Variants in NEBL observed in about 807,000 individuals in gnomAD.
NEBL encodes nebulette.
In NEBL, 122 loss-of-function variants were observed where a neutral mutation model predicts 140.2. The ratio of observed to expected loss-of-function variants is 0.87; its 90% CI spans 0.75 to 1.01. The LOEUF (loss-of-function observed/expected upper bound fraction) is 1.01, where lower values mean the gene tolerates loss of function less well. Among genes scored for constraint, NEBL ranks in the 50% least tolerant of loss-of-function variants. The pLI, the probability that NEBL is intolerant of heterozygous loss-of-function variation, is 0.00. For missense variants in NEBL, 1,365 were observed against 1,231.3 expected (o/e 1.11, Z -1.62); for synonymous variants, 436 against 398.9 (o/e 1.09, Z -1.11).
chr10:21,238,289 A>G lies in NEBL; in HGVS notation n.348+9632T>C, dbSNP rs183728026. Among the ~76,000 whole-genome samples, 20 of 152,342 alleles carry G rather than the reference A, an allele frequency of 1.3e-4. No individual in the cohort carries two copies. The East Asian group carries it at 3.9e-3, about 29-fold the overall frequency. On this transcript the variant is annotated intron_variant and non_coding_transcript_variant, in intron 3 of 8. Transcript: ENST00000675702. ...AGGGTAATTTTATAGATTGACAATT[A>G]TCATGTAACAATGTCCAGGTGAATG... is the stretch of plus-strand genomic sequence containing the variant.
intron 5 of NEBL, among the ~76,000 whole-genome samples, chr10:20,870,893 A>T (rs1359235713): frequency 6.6e-6 from 1 of 152,204 alleles, no homozygotes; most frequent in African/African-American, 2.4e-5. Context: ...TTGACTGACA[A>T]TTGGAAAGAG....
rs1302883002 is a variant in NEBL, at chr10:20,780,671, A to C, written c.*5076T>G. On this transcript the variant is annotated 3_prime_UTR_variant, in exon 28 of 28. Transcript: ENST00000377122. ...ATCCTGCATTTATTTAAGCAAACCA[A>C]ATGTGTAGAGATAGGAAATTAATGT... The C allele has an allele frequency of 6.6e-6, 1 of 152,164 alleles. No homozygotes were observed. The highest frequency in any genetic ancestry group is 2.4e-5 in the African/African-American group (1 of 41,426). The allele number at this position is 152,164 out of a possible 1,614,324, so 9.4% of individuals were successfully genotyped here.
At chr10:20,997,505 A>C (rs1295260862) in intron 3 of NEBL, among the ~76,000 whole-genome samples, 5 of 137,004 alleles carry the variant, frequency 3.6e-5, no homozygotes, top group South Asian at 2.2e-4. Context: ...AAAAAAAAAA[A>C]AAAAAAAAAC....
At chr10:20,889,212 C>T (rs1846804030) in intron 3 of NEBL, among the ~76,000 whole-genome samples, 1 of 152,132 alleles carries the variant, frequency 6.6e-6, no homozygotes, top group Non-Finnish European at 1.5e-5. Context: ...TACAGTAATG[C>T]CTCACCACAG....
intron 7 of NEBL, among the ~76,000 whole-genome samples, chr10:20,867,460 C>G (rs1205345568): frequency 6.6e-6 from 1 of 152,082 alleles, no homozygotes; most frequent in Non-Finnish European, 1.5e-5. Context: ...ATGTGTAAAA[C>G]TTACTGTTTG....
At chr10:20,867,577 T>G (rs940549119) in intron 7 of NEBL, among the ~76,000 whole-genome samples, 1 of 152,178 alleles carries the variant, frequency 6.6e-6, no homozygotes, top group Non-Finnish European at 1.5e-5. Flanking sequence ...TTTCTGGTCT[T>G]GCTTAAGAAC....
chr10:20,874,880 C>A (rs961556119), intron 5 of NEBL, among the ~76,000 whole-genome samples: 1 of 152,128 alleles, frequency 6.6e-6, no homozygotes, highest in African/African-American at 2.4e-5. Context: ...GCTGGGATTA[C>A]AGGTGAACAC....
At chr10:20,961,144 T>C (rs1260971081) in intron 4 of NEBL, among the ~76,000 whole-genome samples, 1 of 152,196 alleles carries the variant, frequency 6.6e-6, no homozygotes, top group Non-Finnish European at 1.5e-5. Context: ...GAACTTCTCC[T>C]AGTCTCCATT....
chr10:20,835,488 G>A (rs768034939), intron 14 of NEBL, 25 bp downstream of exon 14: 2 of 1,512,094 alleles, frequency 1.3e-6, no homozygotes, highest in Non-Finnish European at 1.8e-6. Context: ...TGAGTCTTAA[G>A]GCCTGCATCA....
At chr10:20,839,677 C>T (rs569449047) in intron 13 of NEBL, among the ~76,000 whole-genome samples, 2 of 152,168 alleles carry the variant, frequency 1.3e-5, no homozygotes, top group East Asian at 1.9e-4. Context: ...GTTAAACTAC[C>T]TCAACAAATG....
At chr10:20,793,249 T>C (rs1176796102) in intron 26 of NEBL, 1 of 700,986 alleles carries the variant, frequency 1.4e-6, no homozygotes, top group Non-Finnish European at 1.8e-6. Flanking sequence ...AACCACCAAG[T>C]TTTAAAGACA....
At chr10:21,137,249 TTTTCA>T (rs1839394965) in intron 2 of NEBL, among the ~76,000 whole-genome samples, 2 of 152,226 alleles carry the variant, frequency 1.3e-5, no homozygotes, top group African/African-American at 2.4e-5. Context: ...GAAATATATT[TTTTCA>T]AAGTATCTGG....
At chr10:21,259,941 A>T (rs184778217) in intron 1 of NEBL, among the ~76,000 whole-genome samples, 2 of 152,190 alleles carry the variant, frequency 1.3e-5, no homozygotes, top group African/African-American at 4.8e-5. Context: ...CCACTTTGCA[A>T]CCAAGAGAGA....
intron 19 of NEBL, among the ~76,000 whole-genome samples, chr10:20,821,687 G>T (rs1399202226): frequency 1.3e-5 from 2 of 152,130 alleles, no homozygotes; most frequent in Non-Finnish European, 2.9e-5. Flanking sequence ...CATTAAGATT[G>T]TCAGTAAGCC....
chr10:21,215,319 A>C (rs1841975370), intron 3 of NEBL, among the ~76,000 whole-genome samples: 1 of 152,126 alleles, frequency 6.6e-6, no homozygotes, highest in African/African-American at 2.4e-5. Flanking sequence ...TTTTAAAAAG[A>C]GTTTTTAAAA....
At chr10:20,871,278 C>T (rs1844906771) in intron 5 of NEBL, among the ~76,000 whole-genome samples, 1 of 152,126 alleles carries the variant, frequency 6.6e-6, no homozygotes, top group Admixed American at 6.5e-5. Flanking sequence ...TTCCTGAGGT[C>T]CAGCCACAAT....
chr10:21,015,315 G>T (rs940495147), intron 3 of NEBL, among the ~76,000 whole-genome samples: 5 of 152,172 alleles, frequency 3.3e-5, no homozygotes, highest in African/African-American at 1.2e-4. Flanking sequence ...TGTCTTCTCA[G>T]TAGGGGCTCC....
intron 7 of NEBL, among the ~76,000 whole-genome samples, chr10:20,862,942 A>C (rs1053550708): frequency 6.6e-6 from 1 of 152,066 alleles, no homozygotes; most frequent in Non-Finnish European, 1.5e-5. Flanking sequence ...GGTACATTAT[A>C]TGTTTTGATA....
intron 1 of NEBL, among the ~76,000 whole-genome samples, chr10:21,172,873 A>G (rs926881314): frequency 1.3e-5 from 2 of 152,142 alleles, no homozygotes; most frequent in Non-Finnish European, 2.9e-5. Flanking sequence ...CTCAATAAAT[A>G]TGTGTTCACC....
Sources: allele counts gnomAD v4.1 joint callset (sites outside exome capture counted in the v4.1 genomes callset), GRCh38; gene constraint gnomAD v4.1.1; transcripts MANE v1.5; gene names NCBI Gene and HGNC (gene_info 2026-07-23, HGNC 2026-07-21).